Variants in UGT3A2 observed in about 807,000 individuals in gnomAD.
The protein encoded by UGT3A2 is UDP glycosyltransferase family 3 member A2.
Under a neutral mutation model 39.8 loss-of-function variants are expected in UGT3A2, and 32 were observed. That is an observed-to-expected ratio of 0.80 (90% CI 0.61 to 1.08). UGT3A2 has a LOEUF of 1.08. UGT3A2 is among the 50% of genes least tolerant of loss of function. The pLI, the probability that UGT3A2 is intolerant of heterozygous loss-of-function variation, is 0.00. For missense variants in UGT3A2, 611 were observed against 637.1 expected, an observed-to-expected ratio of 0.96 and a Z score of 0.44; for synonymous variants, 241 against 230.7, an observed-to-expected ratio of 1.04 and a Z score of -0.40.
chr5:36,046,580 T>C (rs985352705), intron 4 of UGT3A2, among the ~76,000 whole-genome samples: 7 of 152,076 alleles, frequency 4.6e-5, no homozygotes, highest in Admixed American at 2.0e-4. Flanking sequence ...CTCATGGAGA[T>C]AGCAGAACGA....
At chr5:36,044,262 G>GA (rs1742099848) in intron 4 of UGT3A2, among the ~76,000 whole-genome samples, 1 of 151,974 alleles carries the variant, frequency 6.6e-6, no homozygotes, top group African/African-American at 2.4e-5. Flanking sequence ...AATTGATGCT[G>GA]AAAAAGCATT....
chr5:36,057,595 G>A (rs778006650), intron 2 of UGT3A2, among the ~76,000 whole-genome samples: 1 of 151,204 alleles, frequency 6.6e-6, no homozygotes, highest in Non-Finnish European at 1.5e-5. Context: ...GAACGCAGTG[G>A]TATGATAATG....
intron 4 of UGT3A2, among the ~76,000 whole-genome samples, chr5:36,045,295 A>G (rs966693796): frequency 6.6e-6 from 1 of 152,144 alleles, no homozygotes; most frequent in East Asian, 1.9e-4. Context: ...ATAAAACTAG[A>G]CCTCTATATC....
intron 2 of UGT3A2, among the ~76,000 whole-genome samples, chr5:36,054,703 G>A (rs1031151111): frequency 1.3e-5 from 2 of 151,466 alleles, no homozygotes; most frequent in Non-Finnish European, 2.9e-5. Context: ...AAAAAAAAAT[G>A]AGGTGCCAGT....
chr5:36,047,130 G>C (rs574615894), intron 4 of UGT3A2, among the ~76,000 whole-genome samples: 4 of 152,336 alleles, frequency 2.6e-5, no homozygotes, highest in African/African-American at 9.6e-5. Context: ...AAAAAATGCA[G>C]TTGTTTGTCT....
chr5:36,039,798 A>C (rs1191102637), intron 4 of UGT3A2, 90 bp from the exon 5 acceptor site: 5 of 1,027,510 alleles, frequency 4.9e-6, no homozygotes, highest in Non-Finnish European at 7.3e-6. Context: ...ATTTACTAAC[A>C]CAGTGCCCTG....
rs372919271 is a variant in UGT3A2, at chr5:36,039,696, A to G, written c.856T>C (p.Phe286Leu). 6 of 1,614,040 alleles carry G rather than the reference A, an allele frequency of 3.7e-6. No homozygotes were observed. The highest frequency in any genetic ancestry group is 5.1e-6 in the Non-Finnish European group (6 of 1,180,000). ...CCAGAGTCCCCAAACTTGGCAATGAAGTTCTCCAAGTCCTGGAGAAAGATT... is the reference window on the plus strand; with the variant it reads ...CCAGAGTCCCCAAACTTGGCAATGAGGTTCTCCAAGTCCTGGAGAAAGATT... ...IKPVPQDLEN[F>L]IAKFGDSGFV... The change falls in exon 5 of 7, where the codon TTC becomes CTC. Residue 286 changes from phenylalanine (F) to leucine (L), a missense_variant. Physicochemically the swap from Phe to Leu is conservative, Grantham distance 22. Transcript: ENST00000282507.
intron 2 of UGT3A2, among the ~76,000 whole-genome samples, chr5:36,063,916 G>A (rs1381031773): frequency 2.6e-5 from 4 of 152,146 alleles, no homozygotes. Flanking sequence ...GATTACAGGT[G>A]TGAGCCACCT....
intron 2 of UGT3A2, among the ~76,000 whole-genome samples, chr5:36,060,361 T>C (rs889063018): frequency 6.6e-6 from 1 of 152,226 alleles, no homozygotes; most frequent in Non-Finnish European, 1.5e-5. Context: ...ATGCAGAATG[T>C]TGGCAAACTG....
At chr5:36,038,199 C>T (rs1257344233) in intron 5 of UGT3A2, among the ~76,000 whole-genome samples, 183 bp from the exon 6 acceptor site, 1 of 152,160 alleles carries the variant, frequency 6.6e-6, no homozygotes, top group Admixed American at 6.5e-5. Context: ...CCAAGCGTTG[C>T]TATCGTATGG....
intron 2 of UGT3A2, among the ~76,000 whole-genome samples, chr5:36,059,589 G>C (rs531714917): frequency 6.6e-6 from 1 of 152,126 alleles, no homozygotes; most frequent in African/African-American, 2.4e-5. Context: ...CAGAGGACTT[G>C]GGAGGTTTTC....
intron 3 of UGT3A2, among the ~76,000 whole-genome samples, 193 bp from the exon 4 acceptor site, chr5:36,049,613 T>C (rs1172736097): frequency 4.6e-5 from 7 of 152,090 alleles, no homozygotes; most frequent in Non-Finnish European, 8.8e-5. Context: ...CTCCCTAGAG[T>C]GTACCCTTCT....
intron 1 of UGT3A2, 123 bp downstream of exon 1, chr5:36,066,573 G>T: frequency 6.5e-7 from 1 of 1,540,700 alleles, no homozygotes; most frequent in Non-Finnish European, 8.9e-7. Flanking sequence ...TCCTCCAGCC[G>T]GGTCCGCAAG....
At chr5:36,060,556 C>A (rs1218126670) in intron 2 of UGT3A2, among the ~76,000 whole-genome samples, 6 of 152,224 alleles carry the variant, frequency 3.9e-5, no homozygotes, top group Non-Finnish European at 7.3e-5. Context: ...GTTGTGGAAG[C>A]TCAGCGGCTG....
chr5:36,036,256 G>GTA (rs1347883464), intron 6 of UGT3A2, among the ~76,000 whole-genome samples: 4 of 152,236 alleles, frequency 2.6e-5, no homozygotes, highest in African/African-American at 9.6e-5. Flanking sequence ...TATATATGAT[G>GTA]TAATTATTAT....
intron 2 of UGT3A2, among the ~76,000 whole-genome samples, chr5:36,059,361 CTTTTTT>C (rs35872759): frequency 2.5e-5 from 3 of 118,744 alleles, no homozygotes; most frequent in Non-Finnish European, 5.2e-5. Flanking sequence ...TTTCTTTTCT[CTTTTTT>C]TTTTTTTTTT....
chr5:36,059,508 G>A (rs929342253), intron 2 of UGT3A2, among the ~76,000 whole-genome samples: 2 of 151,902 alleles, frequency 1.3e-5, no homozygotes, highest in African/African-American at 4.8e-5. Flanking sequence ...CGTCTTCTGC[G>A]GCTACAGAAA....
At chr5:36,053,901 C>T (rs1420440979) in intron 2 of UGT3A2, among the ~76,000 whole-genome samples, 1 of 152,180 alleles carries the variant, frequency 6.6e-6, no homozygotes, top group Non-Finnish European at 1.5e-5. Context: ...ATCATCACTT[C>T]TTTAACTCTC....
At chr5:36,059,491 C>T (rs1207176073) in intron 2 of UGT3A2, among the ~76,000 whole-genome samples, 1 of 150,724 alleles carries the variant, frequency 6.6e-6, no homozygotes, top group East Asian at 2.0e-4. Flanking sequence ...TGAAAATTGG[C>T]TTGTACCGTC....
Sources: allele counts gnomAD v4.1 joint callset (sites outside exome capture counted in the v4.1 genomes callset), GRCh38; gene constraint gnomAD v4.1.1; transcripts MANE v1.5; gene names NCBI Gene and HGNC (gene_info 2026-07-23, HGNC 2026-07-21).